Variants in GNG7 observed in about 807,000 individuals in gnomAD.
GNG7 encodes the protein G protein subunit gamma 7.
In GNG7, 1 loss-of-function variant was observed where a neutral mutation model predicts 4.0. The ratio of observed to expected loss-of-function variants is 0.25; its 90% CI spans 0.09 to 1.18. The LOEUF (loss-of-function observed/expected upper bound fraction) is 1.18, where lower values mean the gene tolerates loss of function less well. Among genes scored for constraint, GNG7 ranks in the 50% most tolerant of loss-of-function variants. The pLI, the probability that GNG7 is intolerant of heterozygous loss-of-function variation, is 0.50. For synonymous variants in GNG7, 34 were observed against 36.9 expected (o/e 0.92, Z 0.29); for missense variants, 86 against 91.9 (o/e 0.94, Z 0.26).
At chr19:2,601,681 G>A (rs1012587919) in intron 2 of GNG7, among the ~76,000 whole-genome samples, 2 of 151,526 alleles carry the variant, frequency 1.3e-5, no homozygotes, top group Non-Finnish European at 2.9e-5. Context: ...TGGGAGGCCG[G>A]GGCAGGAGGA....
rs561451645 is a variant in GNG7 at position 2,702,348 on chromosome 19, C to A, written c.-135+298G>T. The stretch of plus-strand genomic sequence containing the variant: ...CTCGATCTGCACCCCCTGCCCCGTC[C>A]CCAGCTAACCTCGACCTGCAACTCC... On this transcript the variant is annotated intron_variant, in intron 1 of 4. Transcript: ENST00000382159. Among the ~76,000 whole-genome samples the A allele has an allele frequency of 2.8e-4, 42 of 149,902 alleles. 1 individual carries two copies. The highest frequency in any genetic ancestry group is 6.9e-3 in the Middle Eastern group (2 of 288).
chr19:2,559,139 TAC>T lies in GNG7; in HGVS notation c.-77-3953_-77-3952del, dbSNP rs1053187958. Reference sequence around the variant, plus strand: ...CATAGTCACAAAGAATATATATATATACACACACACACATATATATACATATA... The same window carrying T: ...CATAGTCACAAAGAATATATATATATACACACACACATATATATACATATA... On this transcript the variant is annotated intron_variant, in intron 2 of 4. Coordinates refer to ENST00000382159, the MANE Select transcript of GNG7 (RefSeq NM_052847.3). 2.0e-5 allele frequency among the ~76,000 whole-genome samples: 3 copies of T among 151,528 alleles called. 1 individual carries two copies. Among genetic ancestry groups the T allele is most frequent in the African/African-American group, 7.3e-5 (3 of 41,262 alleles).
intron 2 of GNG7, among the ~76,000 whole-genome samples, chr19:2,616,594 G>T (rs1231484600): frequency 6.6e-6 from 1 of 152,064 alleles, no homozygotes; most frequent in Admixed American, 6.6e-5. Flanking sequence ...CTGACCAACA[G>T]GGAGAAACCC....
intron 2 of GNG7, among the ~76,000 whole-genome samples, chr19:2,638,328 C>T (rs1982371517): frequency 6.8e-6 from 1 of 147,904 alleles, no homozygotes; most frequent in African/African-American, 2.5e-5. Flanking sequence ...TGCCACTGCA[C>T]TCCAGCCTGG....
chr19:2,581,673 T>G (rs1047057590), intron 2 of GNG7, among the ~76,000 whole-genome samples: 6 of 152,164 alleles, frequency 3.9e-5, no homozygotes, highest in Non-Finnish European at 7.3e-5. Flanking sequence ...GACATGTTCC[T>G]CAACAAGATG....
intron 3 of GNG7, chr19:2,538,874 T>C (rs2144744868): frequency 4.3e-6 from 1 of 230,028 alleles, no homozygotes; most frequent in Non-Finnish European, 8.8e-6. Context: ...GTTCAAGCCA[T>C]TCTCCTGCCT....
At chr19:2,545,247 G>C (rs1979087309) in intron 3 of GNG7, among the ~76,000 whole-genome samples, 1 of 152,090 alleles carries the variant, frequency 6.6e-6, no homozygotes, top group Non-Finnish European at 1.5e-5. Flanking sequence ...TGGAGGCCAG[G>C]GATACTGCTC....
Position 2,634,793 on chromosome 19 carries a change from G to A in GNG7, c.-78+11431C>T, listed in dbSNP as rs1050991557. On this transcript the variant is annotated intron_variant, in intron 2 of 4. Coordinates refer to ENST00000382159, the MANE Select transcript of GNG7 (RefSeq NM_052847.3). This position sits in a 1 kb window ranked among gnomAD's most constrained non-coding sequence, Gnocchi z 5.3. ...TGACCGACCAGGGGGAAATAAACCC[G>A]CTCTGACTGGCCGCGGGGACTGGAG... 1.3e-5 allele frequency among the ~76,000 whole-genome samples: 2 copies of A among 151,996 alleles called. No homozygotes were observed. The highest frequency in any genetic ancestry group is 6.6e-5 in the Admixed American group (1 of 15,250).
At chr19:2,553,499 T>C (rs922382454) in intron 3 of GNG7, among the ~76,000 whole-genome samples, 4 of 137,874 alleles carry the variant, frequency 2.9e-5, no homozygotes, top group East Asian at 2.0e-4. Context: ...ATTTTATATG[T>C]ACATCTCATT....
chr19:2,631,269 G>A (rs953235270), intron 2 of GNG7, among the ~76,000 whole-genome samples: 4 of 152,170 alleles, frequency 2.6e-5, no homozygotes, highest in Admixed American at 6.6e-5. Context: ...GGCAGAGTTG[G>A]GAGCCCAAGC....
chr19:2,562,057 T>C (rs953882462), intron 2 of GNG7, among the ~76,000 whole-genome samples: 2 of 151,880 alleles, frequency 1.3e-5, no homozygotes, highest in African/African-American at 4.8e-5. Context: ...CTCCGACATT[T>C]CTCTGAGAAG....
chr19:2,628,503 A>T (rs1441461705), intron 2 of GNG7, among the ~76,000 whole-genome samples: 3 of 150,586 alleles, frequency 2.0e-5, no homozygotes, highest in Non-Finnish European at 4.4e-5. Context: ...CTTTCTTTCA[A>T]CTGTGGTGTG....
intron 2 of GNG7, among the ~76,000 whole-genome samples, chr19:2,564,277 C>G (rs1481553705): frequency 6.6e-6 from 1 of 151,956 alleles, no homozygotes; most frequent in Non-Finnish European, 1.5e-5. Context: ...TGACTGGTGT[C>G]CTTTTAAGAA....
intron 2 of GNG7, among the ~76,000 whole-genome samples, chr19:2,604,223 A>T (rs1191766677): frequency 6.6e-6 from 1 of 152,026 alleles, no homozygotes; most frequent in Non-Finnish European, 1.5e-5. Flanking sequence ...GTCTCCCAGC[A>T]CTTTGGGAGG....
chr19:2,583,571 G>A lies in GNG7; in HGVS notation c.-77-28383C>T, dbSNP rs115783894. ...TGCTGGCATTCCCACCTTCTAGAGT[G>A]ACTTTCACACTTCCTGATGAGTTTC... is the stretch of plus-strand genomic sequence containing the variant. On this transcript the variant is annotated intron_variant, in intron 2 of 4. Transcript: ENST00000382159. Among the ~76,000 whole-genome samples the A allele has an allele frequency of 3.4e-3, 522 of 152,320 alleles. 1 individual carries two copies. The highest frequency in any genetic ancestry group is 0.012 in the African/African-American group (515 of 41,560).
chr19:2,593,187 G>A (rs1336527428), intron 2 of GNG7, among the ~76,000 whole-genome samples: 1 of 152,150 alleles, frequency 6.6e-6, no homozygotes, highest in Admixed American at 6.6e-5. Context: ...CGGGTGGTGA[G>A]AAGTGGCCTG....
chr19:2,636,752 T>C (rs1451122711), intron 2 of GNG7, among the ~76,000 whole-genome samples: 1 of 151,992 alleles, frequency 6.6e-6, no homozygotes, highest in Admixed American at 6.6e-5. Flanking sequence ...GCCTGGGACT[T>C]AGGGCTGTCA....
At chr19:2,561,973 G>A (rs1979754919) in intron 2 of GNG7, among the ~76,000 whole-genome samples, 2 of 152,296 alleles carry the variant, frequency 1.3e-5, no homozygotes, top group South Asian at 4.1e-4. Context: ...CTGCCCCGGG[G>A]CGACCCGAGA....
At chr19:2,556,601 C>T (rs1327911264) in intron 2 of GNG7, among the ~76,000 whole-genome samples, 3 of 152,174 alleles carry the variant, frequency 2.0e-5, no homozygotes, top group Admixed American at 6.5e-5. Context: ...CCCTGCGCCC[C>T]GGGGCTGCAT....
Sources: allele counts gnomAD v4.1 joint callset (sites outside exome capture counted in the v4.1 genomes callset), GRCh38; gene constraint gnomAD v4.1.1; non-coding constraint Gnocchi (gnomAD v3.1); transcripts MANE v1.5; gene names NCBI Gene and HGNC (gene_info 2026-07-23, HGNC 2026-07-21).